Variants in RNF213 observed in about 807,000 individuals in gnomAD.
The protein encoded by RNF213 is E3 ubiquitin-protein ligase RNF213.
RNF213 carries 341 observed loss-of-function variants against 514.4 expected under a neutral mutation model. That is an observed-to-expected ratio of 0.66 (90% confidence interval 0.61 to 0.73). The LOEUF is 0.73. RNF213 is among the 30% of genes least tolerant of loss of function. The probability of loss-of-function intolerance (pLI) is 0.00; values close to 1 mark genes in which losing one functional copy is unlikely to be tolerated. For missense variants in RNF213, 5,767 were observed against 6,615.6 expected (o/e 0.87, Z 4.45); for synonymous variants, 2,655 against 2,658.2 (o/e 1.00, Z 0.04).
chr17:80,338,078 A>C, intron 25 of RNF213, 81 bp downstream of exon 25: 1 of 1,489,998 alleles, frequency 6.7e-7, no homozygotes, highest in Non-Finnish European at 9.0e-7. Flanking sequence ...AGAAAACGGA[A>C]AGGATTTGAC....
At chr17:80,373,220 C>T in intron 49 of RNF213, 55 bp downstream of exon 49, 1 of 1,521,902 alleles carries the variant, frequency 6.6e-7, no homozygotes, top group Non-Finnish European at 8.9e-7. Flanking sequence ...CCCCATACAC[C>T]CCAAACCCAC....
intron 22 of RNF213, among the ~76,000 whole-genome samples, chr17:80,335,308 C>T (rs8072917): frequency 0.57 from 86,075 of 151,820 alleles, 25,186 homozygotes; most frequent in Middle Eastern, 0.64. Context: ...GCTTAGATGT[C>T]GTTGGCAGAG....
chr17:80,313,644 G>A (rs925777939), intron 15 of RNF213, among the ~76,000 whole-genome samples: 3 of 148,160 alleles, frequency 2.0e-5, no homozygotes, highest in African/African-American at 7.5e-5. Context: ...GGTGGTGATG[G>A]TGATGGTTGT....
chr17:80,370,210 A>G (rs1231003475), intron 46 of RNF213, among the ~76,000 whole-genome samples: 1 of 152,188 alleles, frequency 6.6e-6, no homozygotes, highest in East Asian at 1.9e-4. Flanking sequence ...TTCAGATGGT[A>G]GCTTAGAATC....
chr17:80,295,493 C>G, intron 9 of RNF213, 64 bp from the exon 10 acceptor site: 1 of 1,604,004 alleles, frequency 6.2e-7, no homozygotes. Context: ...GCTGGGGCAG[C>G]TCTGGACACT....
intron 60 of RNF213, 29 bp from the exon 61 acceptor site, chr17:80,385,509 C>G (rs62077768): frequency 6.2e-7 from 1 of 1,603,972 alleles, no homozygotes; most frequent in Non-Finnish European, 8.5e-7. Context: ...TGCTATCATA[C>G]GGTTCTTACC....
In RNF213 at chr17:80,332,310, G is replaced by A. The variant is rs1021040637; in HGVS notation, c.3822G>A (p.Val1274=). The A allele has an allele frequency of 2.1e-5, 32 of 1,537,242 alleles. No homozygotes were observed. The highest frequency in any genetic ancestry group is 3.9e-5 in the Admixed American group (2 of 51,006). The change falls in exon 21 of 68, where the codon GTG becomes GTA. Residue 1274 remains valine, a synonymous_variant. Coordinates refer to ENST00000582970, the MANE Select transcript of RNF213 (RefSeq NM_001256071.3). The part of the protein sequence containing the change: ...SERHILELEE[V]YDYLYQPSYR... Reference sequence around the variant, plus strand: ...GGCACATCCTTGAGCTTGAAGAGGTGTATGACTATTTGTATCAGCCTTCTT... The same window carrying A: ...GGCACATCCTTGAGCTTGAAGAGGTATATGACTATTTGTATCAGCCTTCTT...
At position 80,383,924 on chromosome 17, in the gene RNF213, A is replaced by G. The variant is rs763644147; in HGVS notation, c.14318A>G (p.Gln4773Arg). The change falls in exon 59 of 68, where the codon CAG (glutamine) becomes CGG (arginine). Residue 4773 changes from glutamine (Q) to arginine (R), a missense_variant. Gln to Arg is a conservative substitution (Grantham distance 43). Around this residue, in one of 13 missense-constraint regions of RNF213, gnomAD observed 1,245 missense variants for 1,339.0 expected, o/e 0.93. Transcript: ENST00000582970. ...ERVPILWHFL[Q>R]KEAELRLVKF... ...GTGCCCATCCTCTGGCATTTCCTGCAGAAGGTATGTCTGGCTTACTGTGGC... is the reference window on the plus strand; with the variant it reads ...GTGCCCATCCTCTGGCATTTCCTGCGGAAGGTATGTCTGGCTTACTGTGGC... 1.2e-6 allele frequency: 2 copies of G among 1,614,076 alleles called. No homozygotes were observed. Among genetic ancestry groups the G allele is most frequent in the Non-Finnish European group, 1.7e-6 (2 of 1,180,046 alleles).
Position 80,325,188 on chromosome 17 carries a change from C to T in RNF213, c.3183C>T (p.Phe1061=), listed in dbSNP as rs1400082843. The T allele has an allele frequency of 3.3e-6, 5 of 1,533,950 alleles. No homozygotes were observed. The highest frequency in any genetic ancestry group is 3.9e-5 in the Admixed American group (2 of 50,906). ...CGTTGGCAGATGTCAAGCACGTCTT[C>T]AGATTGTGTGGTATGTTTGCGGGAG... The part of the protein sequence containing the change: ...LLTLADVKHV[F]RLCGTDEKIL... The change falls in exon 18 of 68, where the codon TTC becomes TTT. Residue 1061 remains phenylalanine, a synonymous_variant. Coordinates refer to ENST00000582970, the MANE Select transcript of RNF213 (RefSeq NM_001256071.3).
In RNF213 at chr17:80,275,134, GGTGT is replaced by G. The variant is rs200834610; in HGVS notation, c.261+1739_261+1742del. Among the ~76,000 whole-genome samples, 10 of 143,588 alleles carry G rather than the reference GGTGT, an allele frequency of 7.0e-5. No individual in the cohort carries two copies. The South Asian group carries it at 2.0e-3, about 29-fold the overall frequency. 94.2% of individuals were successfully genotyped at this position (143,588 alleles called of 152,430 possible). A position where few individuals can be genotyped will look rare whatever the true frequency, so the allele number is the denominator to read the frequency against. On this transcript the variant is annotated intron_variant, in intron 3 of 67. Coordinates refer to ENST00000582970, the MANE Select transcript of RNF213 (RefSeq NM_001256071.3). The stretch of plus-strand genomic sequence containing the variant: ...GTGTGCGTGTTGGGTGTGTGTGAGT[GGTGT>G]GTGTGTGTTGGGAGTGTGTGTGGGG...
intron 2 of RNF213, among the ~76,000 whole-genome samples, chr17:80,272,929 G>T (rs539235944): frequency 1.3e-5 from 2 of 152,276 alleles, no homozygotes; most frequent in South Asian, 4.1e-4. Flanking sequence ...AGAGGTGCCC[G>T]AGGTGCGCTG....
rs1278082953 is a variant in RNF213, at chr17:80,294,708, T to A, written c.1472-12T>A. 1 of 1,613,772 alleles carries A rather than the reference T, an allele frequency of 6.2e-7. No individual in the cohort carries two copies. Among genetic ancestry groups the A allele is most frequent in the Non-Finnish European group, 8.5e-7 (1 of 1,180,044 alleles). ...GTCTTAGGTAGGCTCTTGTTCCTTC[T>A]GTCCCTCTTAGACTGGCATCAGTAC... On this transcript the variant is annotated splice_polypyrimidine_tract_variant and intron_variant, in intron 8 of 67. Transcript: ENST00000582970.
chr17:80,335,425 G>C (rs756901227), intron 22 of RNF213, among the ~76,000 whole-genome samples: 2 of 152,148 alleles, frequency 1.3e-5, no homozygotes, highest in Non-Finnish European at 2.9e-5. Context: ...GGCTCTCTTG[G>C]GAGAGCCGCT....
chr17:80,270,035 A>T (rs1430603070), intron 2 of RNF213, among the ~76,000 whole-genome samples: 1 of 152,224 alleles, frequency 6.6e-6, no homozygotes, highest in East Asian at 1.9e-4. Flanking sequence ...CTGGGCCAGG[A>T]CTGTCACATT....
intron 3 of RNF213, among the ~76,000 whole-genome samples, chr17:80,274,878 G>A (rs1425267089): frequency 8.6e-6 from 1 of 116,622 alleles, no homozygotes; most frequent in Non-Finnish European, 1.8e-5. Flanking sequence ...TGTGAGTGGT[G>A]TGAATGGGAT....
intron 42 of RNF213, 125 bp downstream of exon 42, chr17:80,364,678 C>A (rs1436535244): frequency 4.3e-6 from 5 of 1,161,028 alleles, no homozygotes; most frequent in Admixed American, 1.9e-5. Context: ...TCTAGACATG[C>A]AAAGGAAGGT....
chr17:80,290,458 CA>C lies in RNF213; in HGVS notation c.1113-111del, dbSNP rs1195467253. 51 of 1,289,142 alleles carry C rather than the reference CA, an allele frequency of 4.0e-5. No homozygotes were observed. In the Middle Eastern group the frequency reaches 7.9e-4, roughly 20 times the overall value. 79.9% of individuals were successfully genotyped at this position (1,289,142 alleles called of 1,614,324 possible). A position where few individuals can be genotyped will look rare whatever the true frequency, so the allele number is the denominator to read the frequency against. On this transcript the variant is annotated intron_variant, in intron 6 of 67. Transcript: ENST00000582970. ...GTGTGTGCATGTGTGTGTGCGAGTG[CA>C]TGTGTGTGTGCACGTGTGTGTGCGC... is the stretch of plus-strand genomic sequence containing the variant.
chr17:80,267,235 A>C (rs1010591725), intron 2 of RNF213, among the ~76,000 whole-genome samples: 1 of 151,196 alleles, frequency 6.6e-6, no homozygotes, highest in African/African-American at 2.4e-5. Flanking sequence ...AAAAAGAAAA[A>C]AAAGAGACCA....
intron 26 of RNF213, 145 bp from the exon 27 acceptor site, chr17:80,342,987 T>G: frequency 3.1e-6 from 2 of 654,512 alleles, no homozygotes; most frequent in South Asian, 3.5e-5. Context: ...TTTGTATTTT[T>G]AGTAGGGACG....
Sources: gnomAD v4.1 joint callset for allele counts (sites outside exome capture counted in the v4.1 genomes callset) on GRCh38, gnomAD v4.1.1 for gene constraint, gnomAD v4.1.1 regional missense constraint, MANE v1.5 for transcripts, NCBI Gene and HGNC (gene_info 2026-07-23, HGNC 2026-07-21) for gene names.